The following ZDHHC21 variants were observed in gnomAD, a reference collection of about 807,000 sequenced individuals.
ZDHHC21 encodes palmitoyltransferase ZDHHC21.
In ZDHHC21, 15 loss-of-function variants were observed where a neutral mutation model predicts 34.6. That is an observed-to-expected ratio of 0.43 (90% CI 0.29 to 0.67). ZDHHC21 has a LOEUF of 0.67. ZDHHC21 is among the 30% of genes least tolerant of loss of function. The pLI is 0.14. For missense variants in ZDHHC21, 344 were observed against 327.7 expected, an observed-to-expected ratio of 1.05 and a Z score of -0.38; for synonymous variants, 142 against 101.8, an observed-to-expected ratio of 1.40 and a Z score of -2.38.
At chr9:14,627,178 A>C (rs1270090496) in intron 8 of ZDHHC21, among the ~76,000 whole-genome samples, 1 of 152,174 alleles carries the variant, frequency 6.6e-6, no homozygotes. Flanking sequence ...TATAGATTAA[A>C]AGGCAAGTAA....
chr9:14,680,475 C>T (rs1837177748), intron 2 of ZDHHC21, among the ~76,000 whole-genome samples: 1 of 152,090 alleles, frequency 6.6e-6, no homozygotes, highest in Admixed American at 6.6e-5. Flanking sequence ...TCCTTGACCA[C>T]AAATCACAAA....
In ZDHHC21 at chr9:14,674,224, G is replaced by A. The variant is rs1241288635; in HGVS notation, c.117C>T (p.His39=). 3 of 1,567,354 alleles carry A rather than the reference G, an allele frequency of 1.9e-6. 1 individual carries two copies. Among genetic ancestry groups the A allele is most frequent in the Non-Finnish European group, 8.6e-7 (1 of 1,160,486 alleles). Residue 39 remains histidine (H), a synonymous_variant, in exon 4 of 10, where the codon CAC becomes CAT. Transcript: ENST00000380916. Reference sequence around the variant, plus strand: ...TGCCTGGAATATGTCCTTCTTCATAGTGAGGAAAGAGGACAATTTTGGGAA... The same window carrying A: ...TGCCTGGAATATGTCCTTCTTCATAATGAGGAAAGAGGACAATTTTGGGAA... ...VLIPKIVLFP[H]YEEGHIPGIL...
chr9:14,607,669 G>T (rs906829617), downstream of ZDHHC21, among the ~76,000 whole-genome samples: 1 of 151,714 alleles, frequency 6.6e-6, no homozygotes, highest in Non-Finnish European at 1.5e-5. Context: ...GTTGTGGAAG[G>T]GTTATGTAAA....
chr9:14,621,756 T>C (rs888767253), intron 8 of ZDHHC21, among the ~76,000 whole-genome samples: 5 of 152,090 alleles, frequency 3.3e-5, no homozygotes, highest in Non-Finnish European at 7.4e-5. Context: ...AATTAGGTTA[T>C]CACATTCACT....
intron 8 of ZDHHC21, among the ~76,000 whole-genome samples, chr9:14,629,386 G>A (rs1826905905): frequency 6.6e-6 from 1 of 152,118 alleles, no homozygotes; most frequent in Non-Finnish European, 1.5e-5. Context: ...TGATAGAAGG[G>A]AAGAGAGTCA....
intron 7 of ZDHHC21, among the ~76,000 whole-genome samples, chr9:14,641,343 T>C (rs906833630): frequency 2.0e-5 from 3 of 152,120 alleles, no homozygotes; most frequent in Admixed American, 6.6e-5. Flanking sequence ...GAACCCAATA[T>C]AGAATCCCTA....
intron 2 of ZDHHC21, among the ~76,000 whole-genome samples, chr9:14,686,219 T>C (rs758446615): frequency 8.7e-5 from 13 of 149,562 alleles, no homozygotes; most frequent in Non-Finnish European, 1.8e-4. Context: ...AAAAAGAAAA[T>C]AAATAAAAAA....
Position 14,674,135 on chromosome 9 carries a change from G to A in ZDHHC21, c.154+52C>T, listed in dbSNP as rs373180944. On this transcript the variant is annotated intron_variant, in intron 4 of 9. Coordinates refer to ENST00000380916, the MANE Select transcript of ZDHHC21 (RefSeq NM_178566.6). ...CATAGTGGCACTACACCCCAAAAACGTTTACAATGAGAAAAATAATTATAC... is the reference window on the plus strand; with the variant it reads ...CATAGTGGCACTACACCCCAAAAACATTTACAATGAGAAAAATAATTATAC... 1,177 of 1,332,026 alleles carry A rather than the reference G, an allele frequency of 8.8e-4. 1 individual carries two copies. Among genetic ancestry groups the A allele is most frequent in the Admixed American group, 1.8e-3 (62 of 34,654 alleles). The allele number at this position is 1,332,026 out of a possible 1,614,324, so 82.5% of individuals were successfully genotyped here.
downstream of ZDHHC21, among the ~76,000 whole-genome samples, chr9:14,608,572 G>A (rs1823093244): frequency 2.0e-5 from 3 of 151,958 alleles, no homozygotes; most frequent in Admixed American, 2.0e-4. Flanking sequence ...TGGAGAAGGG[G>A]CCTAATTTGA....
At chr9:14,649,161 T>A (rs913772380) in intron 7 of ZDHHC21, among the ~76,000 whole-genome samples, 1 of 152,048 alleles carries the variant, frequency 6.6e-6, no homozygotes, top group Non-Finnish European at 1.5e-5. Context: ...TGGGGGAAAG[T>A]CAACCTCCTC....
chr9:14,632,578 C>A (rs1827565044), intron 8 of ZDHHC21, among the ~76,000 whole-genome samples: 1 of 9,536 alleles, frequency 1.0e-4, no homozygotes, highest in South Asian at 4.4e-3. Flanking sequence ...CATATACTAC[C>A]CAAGAAAAAA....
intron 2 of ZDHHC21, among the ~76,000 whole-genome samples, chr9:14,682,465 G>T (rs1403871106): frequency 1.3e-5 from 2 of 152,062 alleles, no homozygotes; most frequent in Admixed American, 6.5e-5. Context: ...AATGGTAAAG[G>T]GATCAACTCA....
At chr9:14,687,080 A>G (rs566809121) in intron 2 of ZDHHC21, among the ~76,000 whole-genome samples, 2 of 151,096 alleles carry the variant, frequency 1.3e-5, no homozygotes, top group East Asian at 3.9e-4. Context: ...ACAACCAAAC[A>G]TTTTTGAAAG....
chr9:14,690,558 G>C (rs1050360558), intron 1 of ZDHHC21, among the ~76,000 whole-genome samples, 173 bp from the exon 2 acceptor site: 7 of 152,188 alleles, frequency 4.6e-5, no homozygotes, highest in African/African-American at 1.7e-4. Flanking sequence ...CTGAAATGGG[G>C]AAGAAGGTTA....
the ZDHHC21 span, among the ~76,000 whole-genome samples, chr9:14,599,081 G>A: frequency 2.0e-5 from 3 of 152,278 alleles, no homozygotes; most frequent in East Asian, 1.9e-4. Context: ...GAAATTTAAC[G>A]AAGAGATAAA....
chr9:14,672,946 TAAATA>T lies in ZDHHC21; in HGVS notation c.155-23_155-19del, dbSNP rs1564369113. On this transcript the variant is annotated intron_variant, in intron 4 of 9. Coordinates refer to ENST00000380916, the MANE Select transcript of ZDHHC21 (RefSeq NM_178566.6). ...ATAGAATACTTTAAAATAAATAAAT[TAAATA>T]AATTAGTCACTTACCCTTCAAAACA... 6.9e-6 allele frequency: 10 copies of T among 1,445,406 alleles called. No homozygotes were observed. The highest frequency in any genetic ancestry group is 2.7e-5 in the South Asian group (2 of 73,112). 89.5% of individuals were successfully genotyped at this position (1,445,406 alleles called of 1,614,324 possible).
intron 6 of ZDHHC21, among the ~76,000 whole-genome samples, chr9:14,660,810 T>C (rs554035291): frequency 1.3e-5 from 2 of 152,250 alleles, no homozygotes; most frequent in East Asian, 3.9e-4. Flanking sequence ...TACTACTGCA[T>C]TCGTTTGAAA....
At chr9:14,607,555 G>A (rs1215372845), downstream of ZDHHC21, among the ~76,000 whole-genome samples, 1 of 151,468 alleles carries the variant, frequency 6.6e-6, no homozygotes, top group Non-Finnish European at 1.5e-5. Context: ...GAGGAGGGTG[G>A]GAGTGAAGAT....
At chr9:14,619,786 G>T in intron 8 of ZDHHC21, 104 bp from the exon 9 acceptor site, 3 of 637,970 alleles carry the variant, frequency 4.7e-6, no homozygotes, top group East Asian at 4.6e-5. Context: ...ATATTCTATA[G>T]ATTTAAACAG....
Sources: allele counts gnomAD v4.1 joint callset (sites outside exome capture counted in the v4.1 genomes callset), GRCh38; gene constraint gnomAD v4.1.1; transcripts MANE v1.5; gene names NCBI Gene and HGNC (gene_info 2026-07-23, HGNC 2026-07-21).